Variants in RPL11 observed in about 807,000 individuals in gnomAD.
RPL11 encodes the protein ribosomal protein L11.
A neutral mutation model predicts 24.1 loss-of-function variants in RPL11; 3 were observed. The ratio of observed to expected loss-of-function variants is 0.12; its 90% CI spans 0.06 to 0.32. RPL11 has a LOEUF of 0.32. RPL11 is among the 10% of genes least tolerant of loss of function. RPL11 has a pLI of 1.00. For synonymous variants in RPL11, 96 were observed against 75.7 expected (o/e 1.27, Z -1.39); for missense variants, 146 against 225.7 (o/e 0.65, Z 2.26).
chr1:23,691,896 G>A, intron 1 of RPL11, 67 bp downstream of exon 1: 1 of 1,607,556 alleles, frequency 6.2e-7, no homozygotes, highest in Non-Finnish European at 8.5e-7. Flanking sequence ...CGAGCCTGCG[G>A]GGGCTACTTC....
At chr1:23,692,384 A>G (rs1644506092) in intron 1 of RPL11, 3 of 553,470 alleles carry the variant, frequency 5.4e-6, no homozygotes, top group Non-Finnish European at 9.7e-6. Context: ...TTAACACTCA[A>G]TAACTGTCCT....
At chr1:23,692,566 C>G (rs370525492) in intron 1 of RPL11, 43 bp from the exon 2 acceptor site, 40 of 1,613,052 alleles carry the variant, frequency 2.5e-5, no homozygotes, top group Non-Finnish European at 3.1e-5. Context: ...AACTCAGGGC[C>G]CTCAGCTGTG....
chr1:23,693,449 A>G (rs1233964703), intron 2 of RPL11, among the ~76,000 whole-genome samples: 2 of 152,234 alleles, frequency 1.3e-5, no homozygotes, highest in African/African-American at 4.8e-5. Flanking sequence ...TAACAGTACA[A>G]TAAGGTTTCA....
rs1644523543 is a variant in RPL11, at chr1:23,694,832, A to G, written c.396+41A>G. 3 of 1,613,766 alleles carry G rather than the reference A, an allele frequency of 1.9e-6. No homozygotes were observed. In the East Asian group the frequency reaches 6.7e-5, roughly 36 times the overall value. On this transcript the variant is annotated intron_variant, in intron 4 of 5. Coordinates refer to ENST00000643754, the MANE Select transcript of RPL11 (RefSeq NM_000975.5). Reference sequence around the variant, plus strand: ...CTTTTCCCGCTCCTGGTCTGTGAGGAGAGGGGAATCTTTATTTCATATGTG... The same window carrying G: ...CTTTTCCCGCTCCTGGTCTGTGAGGGGAGGGGAATCTTTATTTCATATGTG...
At chr1:23,694,916 C>G in intron 4 of RPL11, 125 bp downstream of exon 4, 1 of 1,464,616 alleles carries the variant, frequency 6.8e-7, no homozygotes, top group Non-Finnish European at 9.5e-7. Flanking sequence ...TTTGTGTTCT[C>G]CTCCCCCTTG....
Position 23,692,747 on chromosome 1 carries a change from G to C in RPL11, c.145G>C (p.Val49Leu). Residue 49 changes from valine (V) to leucine (L), a missense_variant, in exon 2 of 6, where the codon GTG (valine) becomes CTG (leucine). Val to Leu is a conservative substitution (Grantham distance 32). Coordinates refer to ENST00000643754, the MANE Select transcript of RPL11 (RefSeq NM_000975.5). ...GGAGCAGCTCACAGGGCAGACCCCT[G>C]TGTTTTCCAAAGGTGAGTAGTCACA... ...VLEQLTGQTP[V>L]FSKARYTVRS... 6.2e-7 allele frequency: 1 copy of C among 1,613,778 alleles called. No individual in the cohort carries two copies. Among genetic ancestry groups the C allele is most frequent in the East Asian group, 2.2e-5 (1 of 44,888 alleles).
chr1:23,694,378 CAA>C (rs151292002), intron 3 of RPL11, among the ~76,000 whole-genome samples: 3 of 134,354 alleles, frequency 2.2e-5, no homozygotes, highest in Admixed American at 7.5e-5. Context: ...ACTCTTGTCT[CAA>C]AAAAAAAAAA....
intron 3 of RPL11, among the ~76,000 whole-genome samples, chr1:23,694,259 T>A (rs1333468180): frequency 6.6e-6 from 1 of 152,042 alleles, no homozygotes; most frequent in African/African-American, 2.4e-5. Flanking sequence ...GCTCCTGTAG[T>A]CCCAGCTACT....
intron 2 of RPL11, 44 bp from the exon 3 acceptor site, chr1:23,693,763 G>T (rs753870140): frequency 2.3e-6 from 3 of 1,301,212 alleles, no homozygotes; most frequent in Admixed American, 1.7e-5. Flanking sequence ...TGAGTGTAGT[G>T]GGGGTATGAT....
rs773756035 is a variant in RPL11, at chr1:23,696,588, C to T, written c.*215C>T. 117 of 615,744 alleles carry T rather than the reference C, an allele frequency of 1.9e-4. No homozygotes were observed. Among genetic ancestry groups the T allele is most frequent in the Admixed American group, 1.0e-4 (4 of 38,666 alleles). The allele number at this position is 615,744 out of a possible 1,614,324, so 38.1% of individuals were successfully genotyped here. A position where few individuals can be genotyped will look rare whatever the true frequency, so the allele number is the denominator to read the frequency against. ...AGTCCAAGCTTCATAGCATTCATTG[C>T]CTGTGCTTGCCACACCTTGGTTGAT... On this transcript the variant is annotated 3_prime_UTR_variant, in exon 6 of 6. Coordinates refer to ENST00000643754, the MANE Select transcript of RPL11 (RefSeq NM_000975.5).
chr1:23,693,011 G>C (rs1283650222), intron 2 of RPL11, among the ~76,000 whole-genome samples: 2 of 151,936 alleles, frequency 1.3e-5, no homozygotes, highest in East Asian at 1.9e-4. Context: ...AAGTAACTAG[G>C]ATATGAGATA....
At chr1:23,693,957 T>A in intron 3 of RPL11, 44 bp downstream of exon 3, 1 of 1,319,100 alleles carries the variant, frequency 7.6e-7, no homozygotes, top group Non-Finnish European at 1.1e-6. Context: ...CAGCACTCCT[T>A]TAGTAACACA....
chr1:23,692,462 G>A, intron 1 of RPL11, 147 bp from the exon 2 acceptor site: 1 of 972,442 alleles, frequency 1.0e-6, no homozygotes, highest in Non-Finnish European at 1.6e-6. Flanking sequence ...TTCCCTTGAT[G>A]TCCCCTAAAC....
chr1:23,695,524 T>C lies in RPL11; in HGVS notation c.397-274T>C, dbSNP rs977180555. The C allele has an allele frequency of 8.3e-6, 4 of 483,674 alleles. No homozygotes were observed. In the Admixed American group the frequency reaches 1.0e-4, roughly 12 times the overall value. The allele number at this position is 483,674 out of a possible 1,614,324, so 30.0% of individuals were successfully genotyped here. On this transcript the variant is annotated intron_variant, in intron 4 of 5. Coordinates refer to ENST00000643754, the MANE Select transcript of RPL11 (RefSeq NM_000975.5). Reference sequence around the variant, plus strand: ...TACTTTTAAAAAGAAAAATGGAGATTTGGGAGCAGTAATGGAGGATCCTCA... The same window carrying C: ...TACTTTTAAAAAGAAAAATGGAGATCTGGGAGCAGTAATGGAGGATCCTCA...
chr1:23,695,055 G>A (rs1328362456), intron 4 of RPL11: 2 of 504,366 alleles, frequency 4.0e-6, no homozygotes, highest in African/African-American at 1.9e-5. Flanking sequence ...GTGGATGAAG[G>A]AAACTGTTCC....
At chr1:23,691,916 C>T in intron 1 of RPL11, 87 bp downstream of exon 1, 3 of 1,578,256 alleles carry the variant, frequency 1.9e-6, no homozygotes, top group Admixed American at 1.7e-5. Context: ...CGCCCGCAGC[C>T]CGAGGAATAT....
chr1:23,696,290 G>T, intron 5 of RPL11, 54 bp from the exon 6 acceptor site: 6 of 1,551,080 alleles, frequency 3.9e-6, no homozygotes, highest in Non-Finnish European at 5.3e-6. Context: ...AGCCATTGCT[G>T]CAATCTCTGC....
chr1:23,693,761 G>A lies in RPL11; in HGVS notation c.158-46G>A, dbSNP rs778284591. On this transcript the variant is annotated intron_variant, in intron 2 of 5. Transcript: ENST00000643754. Reference sequence around the variant, plus strand: ...GTGTTCTGGGAAAGAGGTGAGTGTAGTGGGGGTATGATGGCATCTGACTCC... The same window carrying A: ...GTGTTCTGGGAAAGAGGTGAGTGTAATGGGGGTATGATGGCATCTGACTCC... The A allele has an allele frequency of 3.1e-6, 4 of 1,286,348 alleles. No homozygotes were observed. The Admixed American group carries it at 6.7e-5, about 22-fold the overall frequency. 79.7% of individuals were successfully genotyped at this position (1,286,348 alleles called of 1,614,324 possible). A position where few individuals can be genotyped will look rare whatever the true frequency, so the allele number is the denominator to read the frequency against.
rs989388190 is a variant in RPL11, at chr1:23,696,499, T to C, written c.*126T>C. ...GACCTCAAGCCACTTAAAGCTTCGATGGGAGTAGCTGGTAACAACCCCGTC... is the reference window on the plus strand; with the variant it reads ...GACCTCAAGCCACTTAAAGCTTCGACGGGAGTAGCTGGTAACAACCCCGTC... On this transcript the variant is annotated 3_prime_UTR_variant, in exon 6 of 6. Coordinates refer to ENST00000643754, the MANE Select transcript of RPL11 (RefSeq NM_000975.5). 1.1e-6 allele frequency: 1 copy of C among 876,434 alleles called. No homozygotes were observed. The highest frequency in any genetic ancestry group is 1.9e-6 in the Non-Finnish European group (1 of 528,732). 54.3% of individuals were successfully genotyped at this position (876,434 alleles called of 1,614,324 possible).
Sources: gnomAD v4.1 joint callset for allele counts (sites outside exome capture counted in the v4.1 genomes callset) on GRCh38, gnomAD v4.1.1 for gene constraint, MANE v1.5 for transcripts, NCBI Gene and HGNC (gene_info 2026-07-23, HGNC 2026-07-21) for gene names.